KCNIP4: variants seen among roughly 807,000 people sequenced by gnomAD.
KCNIP4 encodes Kv channel-interacting protein 4.
KCNIP4 carries 12 observed loss-of-function variants against 34.0 expected under a neutral mutation model. That is an observed-to-expected ratio of 0.35 (90% CI 0.23 to 0.57). KCNIP4 has a LOEUF of 0.57. Among genes scored for constraint, KCNIP4 ranks in the 20% least tolerant of loss-of-function variants. The pLI, the probability that KCNIP4 is intolerant of heterozygous loss-of-function variation, is 0.83. For missense variants in KCNIP4, 238 were observed against 311.7 expected, an observed-to-expected ratio of 0.76 and a Z score of 1.78; for synonymous variants, 124 against 102.2, an observed-to-expected ratio of 1.21 and a Z score of -1.29.
chr4:21,308,481 C>G (rs1448100739), intron 1 of KCNIP4, among the ~76,000 whole-genome samples: 1 of 152,092 alleles, frequency 6.6e-6, no homozygotes, highest in Non-Finnish European at 1.5e-5. Context: ...TAGTCAATTT[C>G]CCCCACATCC....
intron 1 of KCNIP4, among the ~76,000 whole-genome samples, chr4:21,913,991 T>C (rs1728489121): frequency 6.6e-6 from 1 of 152,034 alleles, no homozygotes; most frequent in East Asian, 1.9e-4. Flanking sequence ...CCCCAAGGCT[T>C]GAATGAAAGT....
intron 1 of KCNIP4, among the ~76,000 whole-genome samples, chr4:21,780,374 A>C (rs1868744): frequency 0.64 from 97,488 of 152,000 alleles, 32,393 homozygotes; most frequent in Non-Finnish European, 0.73. Flanking sequence ...AGTCCCATGA[A>C]TAATCAGCAA....
intron 3 of KCNIP4, among the ~76,000 whole-genome samples, chr4:20,829,566 G>GT (rs766640989): frequency 3.7e-4 from 56 of 152,076 alleles, no homozygotes; most frequent in Non-Finnish European, 5.6e-4. Flanking sequence ...AAAATAAGAG[G>GT]TGGGGCCTGG....
chr4:21,073,494 G>T (rs1745173431), intron 1 of KCNIP4, among the ~76,000 whole-genome samples: 1 of 152,224 alleles, frequency 6.6e-6, no homozygotes, highest in Non-Finnish European at 1.5e-5. Context: ...TTCTGTACCT[G>T]AGACTTTGCT....
At chr4:21,590,798 A>G (rs1577654190) in intron 1 of KCNIP4, among the ~76,000 whole-genome samples, 2 of 152,132 alleles carry the variant, frequency 1.3e-5, no homozygotes, top group African/African-American at 2.4e-5. Context: ...GGACCAGTGT[A>G]TCAGTAAGGC....
chr4:21,468,336 G>A (rs1389605370), intron 1 of KCNIP4, among the ~76,000 whole-genome samples: 2 of 152,104 alleles, frequency 1.3e-5, no homozygotes, highest in Non-Finnish European at 2.9e-5. Flanking sequence ...AAAAGAATCT[G>A]AACAAGGCAA....
chr4:21,198,695 G>C (rs1756241897), intron 1 of KCNIP4, among the ~76,000 whole-genome samples: 1 of 152,172 alleles, frequency 6.6e-6, no homozygotes, highest in African/African-American at 2.4e-5. Context: ...AACTTTCCCT[G>C]TTTTGTTCTG....
chr4:21,923,674 G>A (rs1578147955), intron 1 of KCNIP4, among the ~76,000 whole-genome samples: 1 of 152,034 alleles, frequency 6.6e-6, no homozygotes, highest in South Asian at 2.1e-4. Context: ...TCTCCTCCAC[G>A]AAGTCTTCCC....
At position 21,757,270 on chromosome 4, in the gene KCNIP4, AAGAAAAGAAAAGAAAAG is replaced by A. The variant is rs1165434135; in HGVS notation, c.61+191284_61+191300del. ...AAGAAAAGAAAAGAAAAGAAAAGAAAAGAAAAGAAAAGAAAAGAGAAAAGAAAAGAAAAGAGAAAAGA... is the reference window on the plus strand; with the variant it reads ...AAGAAAAGAAAAGAAAAGAAAAGAAAAGAAAAGAAAAGAAAAGAGAAAAGA... On this transcript the variant is annotated intron_variant, in intron 1 of 8. Transcript: ENST00000382152. 1.6e-4 allele frequency among the ~76,000 whole-genome samples: 13 copies of A among 81,386 alleles called. 1 individual carries two copies. Among genetic ancestry groups the A allele is most frequent in the Admixed American group, 4.4e-4 (4 of 9,000 alleles). The allele number at this position is 81,386 out of a possible 152,430, so 53.4% of individuals were successfully genotyped here.
At chr4:21,354,280 T>TAA (rs1718336149) in intron 1 of KCNIP4, among the ~76,000 whole-genome samples, 1 of 152,102 alleles carries the variant, frequency 6.6e-6, no homozygotes, top group Non-Finnish European at 1.5e-5. Flanking sequence ...AATGACAGGA[T>TAA]CAAATTCACA....
intron 1 of KCNIP4, among the ~76,000 whole-genome samples, chr4:21,068,302 G>A (rs888210711): frequency 3.3e-5 from 5 of 152,130 alleles, no homozygotes; most frequent in African/African-American, 1.2e-4. Context: ...TGAATCCTGA[G>A]TGTTTACCTT....
intron 1 of KCNIP4, among the ~76,000 whole-genome samples, chr4:20,903,108 A>C (rs1727349912): frequency 6.6e-6 from 1 of 152,200 alleles, no homozygotes; most frequent in Non-Finnish European, 1.5e-5. Context: ...TTCAGCATGC[A>C]GAATCATTAT....
chr4:21,219,976 A>G (rs1221299737), intron 1 of KCNIP4, among the ~76,000 whole-genome samples: 1 of 152,238 alleles, frequency 6.6e-6, no homozygotes, highest in East Asian at 1.9e-4. Context: ...CTGAATTTTA[A>G]CAATATTTGA....
chr4:21,391,720 T>A (rs534455504), intron 1 of KCNIP4, among the ~76,000 whole-genome samples: 1 of 152,242 alleles, frequency 6.6e-6, no homozygotes, highest in East Asian at 1.9e-4. Flanking sequence ...CCTGGAAAAA[T>A]TCTACTGATT....
At chr4:21,447,082 G>C (rs866959652) in intron 1 of KCNIP4, among the ~76,000 whole-genome samples, 3 of 151,800 alleles carry the variant, frequency 2.0e-5, no homozygotes, top group South Asian at 4.2e-4. Context: ...TTTTATACTT[G>C]CCATAGACAT....
At position 21,580,680 on chromosome 4, in the gene KCNIP4, C is replaced by A. The variant is rs140987883; in HGVS notation, c.61+367891G>T. On this transcript the variant is annotated intron_variant, in intron 1 of 8. Coordinates refer to ENST00000382152, the MANE Select transcript of KCNIP4 (RefSeq NM_025221.6). ...AATATTTTTACATTTGCCATGCATA[C>A]CATGCACACATTTAACGCACACCAT... 1.3e-3 allele frequency among the ~76,000 whole-genome samples: 194 copies of A among 152,152 alleles called. 1 individual carries two copies. Among genetic ancestry groups the A allele is most frequent in the Non-Finnish European group, 2.3e-3 (156 of 67,938 alleles).
chr4:21,029,773 A>G (rs10938824), intron 1 of KCNIP4, among the ~76,000 whole-genome samples: 66,584 of 151,912 alleles, frequency 0.44, 16,437 homozygotes, highest in African/African-American at 0.69. Flanking sequence ...GCCCATGTTG[A>G]CCTTTATGCT....
chr4:21,819,791 C>T (rs1210538271), intron 1 of KCNIP4, among the ~76,000 whole-genome samples: 1 of 152,156 alleles, frequency 6.6e-6, no homozygotes, highest in South Asian at 2.1e-4. Flanking sequence ...TCAAATTTAT[C>T]CTTCGTTCAA....
At chr4:20,969,469 A>AC (rs930857818) in intron 1 of KCNIP4, among the ~76,000 whole-genome samples, 3 of 152,096 alleles carry the variant, frequency 2.0e-5, no homozygotes, top group African/African-American at 7.2e-5. Flanking sequence ...CACTGCAGTG[A>AC]CCCAAACCCC....
Sources: allele counts gnomAD v4.1 joint callset (sites outside exome capture counted in the v4.1 genomes callset), GRCh38; gene constraint gnomAD v4.1.1; transcripts MANE v1.5; gene names NCBI Gene and HGNC (gene_info 2026-07-23, HGNC 2026-07-21).